The following SDK2 variants were observed in gnomAD, a reference collection of about 807,000 sequenced individuals.
SDK2 encodes the protein sidekick cell adhesion molecule 2, also known as protein sidekick-2.
A neutral mutation model predicts 253.9 loss-of-function variants in SDK2; 105 were observed. That is an observed-to-expected ratio of 0.41 (90% CI 0.35 to 0.49). The LOEUF is 0.49. Among genes scored for constraint, SDK2 ranks in the 20% least tolerant of loss-of-function variants. SDK2 has a pLI of 0.06. For synonymous variants in SDK2, 1,249 were observed against 1,234.9 expected (o/e 1.01, Z -0.24); for missense variants, 2,608 against 3,003.0 (o/e 0.87, Z 3.07).
intron 10 of SDK2, among the ~76,000 whole-genome samples, chr17:73,432,757 T>G (rs1191199460): frequency 7.0e-6 from 1 of 142,678 alleles, no homozygotes; most frequent in East Asian, 2.0e-4. Flanking sequence ...AAGGAGCAAC[T>G]GTGTTTGTAC....
chr17:73,599,581 AGAG>A (rs1391893347), intron 1 of SDK2, among the ~76,000 whole-genome samples: 2 of 151,936 alleles, frequency 1.3e-5, no homozygotes, highest in Non-Finnish European at 2.9e-5. Context: ...GAGAGGGAAA[AGAG>A]GAGGAGAGAG....
chr17:73,416,199 A>ATTTTTTTTTTTT (rs55713710), intron 16 of SDK2, among the ~76,000 whole-genome samples: 5 of 120,310 alleles, frequency 4.2e-5, no homozygotes, highest in Admixed American at 9.5e-5. Context: ...AATGAATTCA[A>ATTTTTTTTTTTT]TTTTTTTTTT....
At chr17:73,373,692 T>C (rs58025350) in intron 36 of SDK2, among the ~76,000 whole-genome samples, 19,065 of 152,144 alleles carry the variant, frequency 0.13, 2,191 homozygotes, top group East Asian at 0.28. Context: ...AGTCTTGCTC[T>C]GTCACCCAGG....
intron 18 of SDK2, among the ~76,000 whole-genome samples, chr17:73,405,439 CAAAA>C (rs1230810012): frequency 1.1e-4 from 2 of 18,372 alleles, no homozygotes; most frequent in African/African-American, 4.0e-4. Flanking sequence ...AACTCCTTCT[CAAAA>C]AAAAAAAAAA....
intron 1 of SDK2, among the ~76,000 whole-genome samples, chr17:73,604,066 C>T (rs948312547): frequency 7.9e-5 from 12 of 152,252 alleles, no homozygotes; most frequent in Non-Finnish European, 1.3e-4. Flanking sequence ...GATTGCCACG[C>T]GGAGGGAACG....
At chr17:73,587,304 G>A (rs975746404) in intron 1 of SDK2, among the ~76,000 whole-genome samples, 6 of 152,202 alleles carry the variant, frequency 3.9e-5, no homozygotes, top group Non-Finnish European at 4.4e-5. Flanking sequence ...CCACTGGCCC[G>A]AGGTGGAGCC....
chr17:73,610,324 C>A (rs1349526916), intron 1 of SDK2, among the ~76,000 whole-genome samples: 1 of 152,244 alleles, frequency 6.6e-6, no homozygotes, highest in East Asian at 1.9e-4. Context: ...CTTAGGGCAC[C>A]CCGAAATGCA....
At chr17:73,598,536 C>T (rs1939593800) in intron 1 of SDK2, among the ~76,000 whole-genome samples, 1 of 152,230 alleles carries the variant, frequency 6.6e-6, no homozygotes, top group Non-Finnish European at 1.5e-5. Flanking sequence ...GGGGATGCAG[C>T]TCTGCTCTTT....
intron 29 of SDK2, among the ~76,000 whole-genome samples, chr17:73,388,534 C>T (rs1872888982): frequency 6.6e-6 from 1 of 152,164 alleles, no homozygotes; most frequent in Admixed American, 6.5e-5. Context: ...ACAGATGACT[C>T]TGTGGCGGGG....
intron 37 of SDK2, among the ~76,000 whole-genome samples, chr17:73,367,505 C>CT (rs58091810): frequency 2.1e-3 from 303 of 143,790 alleles, no homozygotes; most frequent in Middle Eastern, 3.7e-3. Flanking sequence ...GGCCTCTTGT[C>CT]TTTTTTTTTT....
At chr17:73,578,924 G>T (rs1434593958) in intron 1 of SDK2, among the ~76,000 whole-genome samples, 1 of 151,968 alleles carries the variant, frequency 6.6e-6, no homozygotes, top group Non-Finnish European at 1.5e-5. Flanking sequence ...GCACCCCAAA[G>T]TCACTCTGTC....
chr17:73,606,225 C>T (rs2045905372), intron 1 of SDK2, among the ~76,000 whole-genome samples: 1 of 152,292 alleles, frequency 6.6e-6, no homozygotes, highest in South Asian at 2.1e-4. Flanking sequence ...TTCTCAGGGG[C>T]AGCAGCAGGA....
At chr17:73,344,503 G>C (rs1227353482) in intron 44 of SDK2, among the ~76,000 whole-genome samples, 1 of 152,222 alleles carries the variant, frequency 6.6e-6, no homozygotes, top group Non-Finnish European at 1.5e-5. Flanking sequence ...GTACTTCTGA[G>C]CTCTGTGACC....
chr17:73,350,450 G>T, intron 42 of SDK2, 75 bp from the exon 43 acceptor site: 1 of 1,536,416 alleles, frequency 6.5e-7, no homozygotes, highest in Non-Finnish European at 8.8e-7. Context: ...CACCTGGCTG[G>T]GTTATCCCCT....
chr17:73,365,471 T>TG, intron 37 of SDK2, 76 bp from the exon 38 acceptor site: 2 of 1,448,956 alleles, frequency 1.4e-6, no homozygotes, highest in Non-Finnish European at 1.8e-6. Flanking sequence ...TCCAAGGAGC[T>TG]AGCGGGAGTA....
At position 73,361,955 on chromosome 17, in the gene SDK2, G is replaced by T. The variant is rs944772193; in HGVS notation, c.5306-110C>A. 8 of 1,071,444 alleles carry T rather than the reference G, an allele frequency of 7.5e-6. No homozygotes were observed. The South Asian group carries it at 8.2e-5, about 11-fold the overall frequency. 66.4% of individuals were successfully genotyped at this position (1,071,444 alleles called of 1,614,324 possible). ...CTGGGCCCCGGGACCCTGGGTAGGG[G>T]CCTCACTCCTTGAGGTCAGGCTGAA... On this transcript the variant is annotated intron_variant, in intron 38 of 44. Transcript: ENST00000392650. This position sits in a 1 kb window ranked among gnomAD's most constrained non-coding sequence, Gnocchi z 4.1.
In SDK2 at chr17:73,338,978, G is replaced by C. The variant is rs370751104; in HGVS notation, c.6166-38C>G. On this transcript the variant is annotated intron_variant, in intron 44 of 44. Transcript: ENST00000392650. This position sits in a 1 kb window ranked among gnomAD's most constrained non-coding sequence, Gnocchi z 5.0. ...AGAATCAGGGTGTGTCAGTGGCCCC[G>C]TAGGGACAGGCCATTGTGGTTGGGG... 2 of 1,568,826 alleles carry C rather than the reference G, an allele frequency of 1.3e-6. No individual in the cohort carries two copies. Among genetic ancestry groups the C allele is most frequent in the Non-Finnish European group, 1.8e-6 (2 of 1,139,418 alleles).
At position 73,489,359 on chromosome 17, in the gene SDK2, C is replaced by T. The variant is rs535917908; in HGVS notation, c.225-17141G>A. Among the ~76,000 whole-genome samples, 5 of 152,260 alleles carry T rather than the reference C, an allele frequency of 3.3e-5. No individual in the cohort carries two copies. In the South Asian group the frequency reaches 8.3e-4, roughly 25 times the overall value. ...GACCTTAAGGGAATGAAGACTTGGTCATCTTTGGGGAGGAATGACTTTGTC... is the reference window on the plus strand; with the variant it reads ...GACCTTAAGGGAATGAAGACTTGGTTATCTTTGGGGAGGAATGACTTTGTC... On this transcript the variant is annotated intron_variant, in intron 2 of 44. Coordinates refer to ENST00000392650, the MANE Select transcript of SDK2 (RefSeq NM_001144952.2).
rs146277099 is a variant in SDK2, at chr17:73,424,961, G to A, written c.1584-869C>T. On this transcript the variant is annotated intron_variant, in intron 12 of 44. Transcript: ENST00000392650. ...CCAGGCTGGGTGCATGGCTCACACC[G>A]GTAATCCCAGCACTTTGGGAGGCCG... Among the ~76,000 whole-genome samples the A allele has an allele frequency of 2.5e-3, 378 of 152,272 alleles. 1 individual carries two copies. The highest frequency in any genetic ancestry group is 8.4e-3 in the African/African-American group (351 of 41,546).
Sources: gnomAD v4.1 joint callset for allele counts (sites outside exome capture counted in the v4.1 genomes callset) on GRCh38, gnomAD v4.1.1 for gene constraint, Gnocchi (gnomAD v3.1) non-coding constraint, MANE v1.5 for transcripts, NCBI Gene and HGNC (gene_info 2026-07-23, HGNC 2026-07-21) for gene names.